Variants in ZNF423 observed in about 807,000 individuals in gnomAD.
ZNF423 encodes the protein Ebf-associated zinc finger protein.
Under a neutral mutation model 95.8 loss-of-function variants are expected in ZNF423, and 12 were observed. The observed-to-expected ratio is 0.13, with a 90% CI of 0.08 to 0.20. The LOEUF is 0.20. ZNF423 is among the 10% of genes least tolerant of loss of function. ZNF423 has a pLI of 1.00. For synonymous variants in ZNF423, 749 were observed against 711.9 expected (o/e 1.05, Z -0.83); for missense variants, 1,316 against 1,737.1 (o/e 0.76, Z 4.31).
At chr16:49,747,511 C>A (rs2033550552) in intron 2 of ZNF423, among the ~76,000 whole-genome samples, 1 of 152,050 alleles carries the variant, frequency 6.6e-6, no homozygotes, top group African/African-American at 2.4e-5. Flanking sequence ...AGAAGCAAGG[C>A]ATACAGGGAA....
At chr16:49,500,614 C>T (rs1967356241) in intron 7 of ZNF423, among the ~76,000 whole-genome samples, 3 of 152,138 alleles carry the variant, frequency 2.0e-5, no homozygotes, top group Admixed American at 2.0e-4. Flanking sequence ...AGTGACGAAA[C>T]TCCATAAAAA....
At chr16:49,798,200 A>T (rs2143878118) in intron 1 of ZNF423, among the ~76,000 whole-genome samples, 1 of 152,108 alleles carries the variant, frequency 6.6e-6, no homozygotes, top group East Asian at 1.9e-4. Flanking sequence ...ATACAGCAAG[A>T]CCCTATCTGT....
Position 49,855,403 on chromosome 16 carries a change from C to A in ZNF423, c.40+332G>T, listed in dbSNP as rs568667352. On this transcript the variant is annotated intron_variant, in intron 1 of 7. Coordinates refer to ENST00000563137, the MANE Select transcript of ZNF423 (RefSeq NM_001379286.1). The surrounding 1 kb of genome is among the most constrained non-coding windows in gnomAD (Gnocchi z 4.7). ...CTTGATTGGCCACACGGGCCCGGGC[C>A]CCGCACGGAGGGAGCGGCAAGGGCC... Among the ~76,000 whole-genome samples the A allele has an allele frequency of 6.6e-6, 1 of 151,584 alleles. No homozygotes were observed. Among genetic ancestry groups the A allele is most frequent in the African/African-American group, 2.4e-5 (1 of 41,388 alleles).
chr16:49,837,282 GTGGC>G (rs1471115544), intron 1 of ZNF423, among the ~76,000 whole-genome samples: 1 of 152,092 alleles, frequency 6.6e-6, no homozygotes, highest in Non-Finnish European at 1.5e-5. Context: ...CCTGCTACAC[GTGGC>G]TGTGTGAGCC....
chr16:49,814,911 T>C (rs1447242928), intron 1 of ZNF423, among the ~76,000 whole-genome samples: 5 of 152,106 alleles, frequency 3.3e-5, no homozygotes, highest in African/African-American at 1.2e-4. Flanking sequence ...AGGTCTCTTC[T>C]GAAGCAGCCC....
At chr16:49,822,368 G>A (rs936051144) in intron 1 of ZNF423, among the ~76,000 whole-genome samples, 5 of 151,986 alleles carry the variant, frequency 3.3e-5, no homozygotes, top group Admixed American at 6.6e-5. Context: ...GAGACAGGGA[G>A]TCATCATGTT....
intron 1 of ZNF423, among the ~76,000 whole-genome samples, chr16:49,842,313 GAAGGGAAGGGA>G (rs2035194390): frequency 2.7e-5 from 1 of 37,668 alleles, no homozygotes; most frequent in East Asian, 1.2e-3. Flanking sequence ...GGAGGCGAGG[GAAGGGAAGGGA>G]AGGGAAGGGA....
chr16:49,497,882 C>T (rs1967226633), intron 7 of ZNF423, among the ~76,000 whole-genome samples: 1 of 152,228 alleles, frequency 6.6e-6, no homozygotes, highest in African/African-American at 2.4e-5. Context: ...GCACCTGGCC[C>T]TGTGCAGTAG....
intron 1 of ZNF423, among the ~76,000 whole-genome samples, chr16:49,834,015 C>T (rs756892722): frequency 6.6e-6 from 1 of 152,182 alleles, no homozygotes; most frequent in Non-Finnish European, 1.5e-5. Flanking sequence ...ACAGGGCAGG[C>T]GGCAGGCTTG....
chr16:49,682,497 C>T (rs1242530383), intron 3 of ZNF423, among the ~76,000 whole-genome samples: 1 of 152,196 alleles, frequency 6.6e-6, no homozygotes, highest in Non-Finnish European at 1.5e-5. Flanking sequence ...CTGAGAATTC[C>T]CTTCACCTCC....
chr16:49,689,431 G>A (rs895529865), intron 3 of ZNF423, among the ~76,000 whole-genome samples: 2 of 151,970 alleles, frequency 1.3e-5, no homozygotes, highest in Admixed American at 6.6e-5. Context: ...CAGCCTCGGC[G>A]ACAGAGAGAG....
intron 5 of ZNF423, among the ~76,000 whole-genome samples, chr16:49,559,932 A>G (rs1488149761): frequency 6.6e-6 from 1 of 152,202 alleles, no homozygotes; most frequent in Non-Finnish European, 1.5e-5. Flanking sequence ...TATGATTTCA[A>G]TGTTAGTCTC....
intron 5 of ZNF423, among the ~76,000 whole-genome samples, chr16:49,568,346 G>A (rs189659797): frequency 5.7e-4 from 87 of 152,266 alleles, no homozygotes; most frequent in Admixed American, 5.7e-3. Context: ...CAGAGAGGGA[G>A]GCTAATAGAG....
At chr16:49,828,300 C>G (rs145106810) in intron 1 of ZNF423, among the ~76,000 whole-genome samples, 1 of 152,186 alleles carries the variant, frequency 6.6e-6, no homozygotes, top group Non-Finnish European at 1.5e-5. Context: ...ATGAATAGTC[C>G]GTTTGTTGGA....
chr16:49,752,646 A>G (rs542948074), intron 2 of ZNF423, among the ~76,000 whole-genome samples: 112 of 152,214 alleles, frequency 7.4e-4, no homozygotes, highest in African/African-American at 2.6e-3. Flanking sequence ...AGGAGAAAAA[A>G]CCTGCACAAA....
At chr16:49,590,927 A>C (rs1031081254) in intron 5 of ZNF423, among the ~76,000 whole-genome samples, 1 of 152,204 alleles carries the variant, frequency 6.6e-6, no homozygotes, top group African/African-American at 2.4e-5. Context: ...TTCAATAGAG[A>C]GTTGTTTCTA....
At chr16:49,552,349 T>A (rs1272704686) in intron 5 of ZNF423, among the ~76,000 whole-genome samples, 1 of 152,098 alleles carries the variant, frequency 6.6e-6, no homozygotes, top group Non-Finnish European at 1.5e-5. Context: ...CTCTTATACT[T>A]GATGCCTCCC....
chr16:49,809,579 A>G (rs2034719516), intron 1 of ZNF423, among the ~76,000 whole-genome samples: 2 of 152,190 alleles, frequency 1.3e-5, no homozygotes, highest in Admixed American at 1.3e-4. Context: ...GAAAAGGAGA[A>G]TCCGAGAGAA....
At chr16:49,799,291 A>T (rs142675815) in intron 1 of ZNF423, among the ~76,000 whole-genome samples, 213 of 152,332 alleles carry the variant, frequency 1.4e-3, no homozygotes, top group African/African-American at 5.1e-3. Flanking sequence ...TGTTACTGGG[A>T]TAATTCAAGC....
Sources: allele counts gnomAD v4.1 joint callset (sites outside exome capture counted in the v4.1 genomes callset), GRCh38; gene constraint gnomAD v4.1.1; non-coding constraint Gnocchi (gnomAD v3.1); transcripts MANE v1.5; gene names NCBI Gene and HGNC (gene_info 2026-07-23, HGNC 2026-07-21).